UTS2B: variants seen among roughly 807,000 people sequenced by gnomAD.
The protein encoded by UTS2B is urotensin 2B, also known as urotensin-2B.
A neutral mutation model predicts 19.2 loss-of-function variants in UTS2B; 21 were observed. That is an observed-to-expected ratio of 1.09 (90% CI 0.78 to 1.58). UTS2B has a LOEUF of 1.58. UTS2B is among the 40% of genes most tolerant of loss of function. The pLI, the probability that UTS2B is intolerant of heterozygous loss-of-function variation, is 0.00. For missense variants in UTS2B, 138 were observed against 130.3 expected, an observed-to-expected ratio of 1.06 and a Z score of -0.29; for synonymous variants, 57 against 50.2, an observed-to-expected ratio of 1.14 and a Z score of -0.58.
chr3:191,339,540 G>A, the UTS2B span, among the ~76,000 whole-genome samples: 1 of 152,284 alleles, frequency 6.6e-6, no homozygotes, highest in Non-Finnish European at 1.5e-5. Context: ...CAAACTGTAG[G>A]TTGTACTGAA....
chr3:191,278,587 T>C (rs1716301366), intron 5 of UTS2B, among the ~76,000 whole-genome samples: 1 of 152,070 alleles, frequency 6.6e-6, no homozygotes, highest in Non-Finnish European at 1.5e-5. Context: ...CACATTTATA[T>C]ACACATTTAT....
rs193066329 is a variant in UTS2B at position 191,286,212 on chromosome 3, G to T, written c.-124-3899C>A. ...ATTTCAATACCCCATTTTCAACAAT[G>T]AACAGATTGTACAGACAGAAAATCA... On this transcript the variant is annotated intron_variant, in intron 4 of 8. Coordinates refer to ENST00000340524, the MANE Select transcript of UTS2B (RefSeq NM_198152.5). 3.3e-5 allele frequency among the ~76,000 whole-genome samples: 5 copies of T among 152,260 alleles called. No homozygotes were observed. In the East Asian group the frequency reaches 9.6e-4, roughly 29 times the overall value.
At chr3:191,284,668 C>T (rs1716485108) in intron 4 of UTS2B, among the ~76,000 whole-genome samples, 1 of 151,166 alleles carries the variant, frequency 6.6e-6, no homozygotes, top group African/African-American at 2.4e-5. Context: ...CGCTTGTAAT[C>T]CCAACTCTTT....
intron 3 of UTS2B, among the ~76,000 whole-genome samples, chr3:191,315,697 G>A (rs181671416): frequency 1.3e-5 from 2 of 152,266 alleles, no homozygotes; most frequent in East Asian, 3.9e-4. Flanking sequence ...CAGAACATTC[G>A]TCTCATGTTT....
the UTS2B span, among the ~76,000 whole-genome samples, chr3:191,340,294 T>G: frequency 2.0e-5 from 3 of 152,348 alleles, no homozygotes; most frequent in Admixed American, 2.0e-4. Context: ...TATAATTTGC[T>G]TGCGCCTTAT....
chr3:191,317,681 C>T (rs150535045), intron 2 of UTS2B, among the ~76,000 whole-genome samples: 1 of 152,268 alleles, frequency 6.6e-6, no homozygotes, highest in Non-Finnish European at 1.5e-5. Flanking sequence ...CTGGTTAATG[C>T]GATTCTCCTT....
At chr3:191,293,225 C>T (rs1716765288) in intron 4 of UTS2B, among the ~76,000 whole-genome samples, 1 of 149,998 alleles carries the variant, frequency 6.7e-6, no homozygotes, top group Non-Finnish European at 1.5e-5. Flanking sequence ...TTATATATGT[C>T]ATTGTCCAGT....
At chr3:191,321,895 C>T (rs185608268) in intron 2 of UTS2B, among the ~76,000 whole-genome samples, 18 of 152,118 alleles carry the variant, frequency 1.2e-4, no homozygotes, top group Middle Eastern at 6.8e-3. Flanking sequence ...GGCGTGGTGG[C>T]GGGTGCCTGT....
intron 3 of UTS2B, among the ~76,000 whole-genome samples, chr3:191,306,628 G>A (rs1202487522): frequency 6.6e-6 from 1 of 152,088 alleles, no homozygotes. Flanking sequence ...GTAACTAGGG[G>A]AAATTTTGTT....
intron 4 of UTS2B, among the ~76,000 whole-genome samples, chr3:191,291,727 C>T (rs1206314434): frequency 6.6e-6 from 1 of 152,196 alleles, no homozygotes; most frequent in Admixed American, 6.5e-5. Context: ...GCTGGGATTA[C>T]ATGCGTGAGC....
chr3:191,329,785 G>T, intron 1 of UTS2B: 4 of 1,556,026 alleles, frequency 2.6e-6, no homozygotes, highest in Admixed American at 1.9e-5. Context: ...GGTTCTCTCA[G>T]GTCAGGGGCG....
chr3:191,329,935 G>GGGA, intron 1 of UTS2B, among the ~76,000 whole-genome samples: 2 of 96,016 alleles, frequency 2.1e-5, no homozygotes, highest in Non-Finnish European at 3.7e-5. Context: ...TTTCTCAAGG[G>GGGA]GGTGGTTGGG....
At chr3:191,333,036 A>C (rs985382382), upstream of UTS2B, among the ~76,000 whole-genome samples, 3 of 152,074 alleles carry the variant, frequency 2.0e-5, no homozygotes, top group African/African-American at 7.2e-5. Context: ...CAGTTCTCTC[A>C]ATCTCATTTT....
At chr3:191,340,145 T>G in the UTS2B span, among the ~76,000 whole-genome samples, 1 of 152,234 alleles carries the variant, frequency 6.6e-6, no homozygotes, top group Non-Finnish European at 1.5e-5. Context: ...AGAGGTAATT[T>G]AATCTGTCTC....
intron 4 of UTS2B, among the ~76,000 whole-genome samples, chr3:191,291,743 C>T (rs781544024): frequency 5.3e-5 from 8 of 152,108 alleles, no homozygotes; most frequent in African/African-American, 1.4e-4. Flanking sequence ...TGAGCCACCG[C>T]GCCCGGCCTG....
At chr3:191,290,571 TC>T (rs1346260129) in intron 4 of UTS2B, among the ~76,000 whole-genome samples, 1 of 152,230 alleles carries the variant, frequency 6.6e-6, no homozygotes, top group East Asian at 1.9e-4. Flanking sequence ...TGCCCACATA[TC>T]ACAATTGGGG....
At chr3:191,291,378 T>C (rs1397008767) in intron 4 of UTS2B, among the ~76,000 whole-genome samples, 1 of 152,202 alleles carries the variant, frequency 6.6e-6, no homozygotes, top group Non-Finnish European at 1.5e-5. Flanking sequence ...ATTAGCTACT[T>C]GAAAGTCACA....
At chr3:191,285,309 G>A (rs148129628) in intron 4 of UTS2B, among the ~76,000 whole-genome samples, 6 of 152,046 alleles carry the variant, frequency 3.9e-5, no homozygotes, top group African/African-American at 1.4e-4. Flanking sequence ...TTAGCTTCAC[G>A]GTAAGCACAA....
chr3:191,339,908 T>C, the UTS2B span, among the ~76,000 whole-genome samples: 1 of 152,200 alleles, frequency 6.6e-6, no homozygotes, highest in African/African-American at 2.4e-5. Flanking sequence ...TATAAGCAGA[T>C]TGTTGTTATC....
Sources: gnomAD v4.1 joint callset for allele counts (sites outside exome capture counted in the v4.1 genomes callset) on GRCh38, gnomAD v4.1.1 for gene constraint, MANE v1.5 for transcripts, NCBI Gene and HGNC (gene_info 2026-07-23, HGNC 2026-07-21) for gene names.